IRAK1BP1: variants seen among roughly 807,000 people sequenced by gnomAD.
The protein encoded by IRAK1BP1 is interleukin 1 receptor associated kinase 1 binding protein 1, also known as interleukin-1 receptor-associated kinase 1-binding protein 1.
A neutral mutation model predicts 28.0 loss-of-function variants in IRAK1BP1; 24 were observed. That is an observed-to-expected ratio of 0.86 (90% CI 0.62 to 1.20). The LOEUF (loss-of-function observed/expected upper bound fraction) is 1.20, where lower values mean the gene tolerates loss of function less well. Ranked by LOEUF, IRAK1BP1 falls within the 50% of genes most tolerant of loss-of-function variation. The pLI, the probability that IRAK1BP1 is intolerant of heterozygous loss-of-function variation, is 0.00. For synonymous variants in IRAK1BP1, 131 were observed against 116.3 expected (o/e 1.13, Z -0.81); for missense variants, 336 against 316.7 (o/e 1.06, Z -0.46).
intron 4 of IRAK1BP1, among the ~76,000 whole-genome samples, chr6:78,931,954 TCAAA>T (rs1398401955): frequency 6.6e-6 from 1 of 152,238 alleles, no homozygotes; most frequent in Admixed American, 6.5e-5. Flanking sequence ...GTCAATCCTC[TCAAA>T]CAGCTTCTGC....
At chr6:78,875,638 A>G (rs1017253579) in intron 1 of IRAK1BP1, among the ~76,000 whole-genome samples, 5 of 152,184 alleles carry the variant, frequency 3.3e-5, no homozygotes, top group Non-Finnish European at 7.3e-5. Context: ...AGAAAACCAC[A>G]TATTCTCACT....
chr6:78,970,819 T>G, the IRAK1BP1 span: 1 of 1,611,512 alleles, frequency 6.2e-7, no homozygotes, highest in African/African-American at 1.3e-5. Context: ...TTTTTGGGAT[T>G]GATACTATAT....
At chr6:78,958,731 G>C in the IRAK1BP1 span, 1 of 644,380 alleles carries the variant, frequency 1.6e-6, no homozygotes, top group South Asian at 1.9e-5. Flanking sequence ...GTCTTATAAA[G>C]TCATTTTCAA....
At chr6:78,910,699 G>C (rs546035922) in intron 4 of IRAK1BP1, among the ~76,000 whole-genome samples, 2 of 152,254 alleles carry the variant, frequency 1.3e-5, no homozygotes, top group African/African-American at 2.4e-5. Flanking sequence ...TCCTCACCTC[G>C]GCGTGGGGCG....
the IRAK1BP1 span, among the ~76,000 whole-genome samples, chr6:78,977,932 T>C: frequency 6.6e-6 from 1 of 152,312 alleles, no homozygotes; most frequent in East Asian, 1.9e-4. Context: ...AAGAAGCCTC[T>C]ATTTTAATTC....
At chr6:78,945,498 C>CT (rs1381310383) in exon 5 of IRAK1BP1, 1 of 1,560,676 alleles carries the variant, frequency 6.4e-7, no homozygotes, top group African/African-American at 1.4e-5. Context: ...TTCTCTAGTA[C>CT]TAAAACATAC....
the IRAK1BP1 span, chr6:78,955,022 CT>C: frequency 2.4e-6 from 3 of 1,242,168 alleles, no homozygotes; most frequent in Non-Finnish European, 3.3e-6. Flanking sequence ...AAAATTTGTA[CT>C]TTTAATGTAG....
chr6:78,873,537 AT>A lies in IRAK1BP1; in HGVS notation c.315+5648del, dbSNP rs572486146. ...CTGTTGCCCAGTATGGAGTAGGGTG[AT>A]TACTATCATTGTTCACTGCAGCCTA... On this transcript the variant is annotated intron_variant, in intron 1 of 3. Coordinates refer to ENST00000369940, the MANE Select transcript of IRAK1BP1 (RefSeq NM_001010844.4). Among the ~76,000 whole-genome samples the A allele has an allele frequency of 6.5e-4, 98 of 151,666 alleles. 1 individual carries two copies. The South Asian group carries it at 8.1e-3, about 13-fold the overall frequency.
At chr6:78,923,994 T>C (rs1294217122) in intron 4 of IRAK1BP1, among the ~76,000 whole-genome samples, 1 of 151,760 alleles carries the variant, frequency 6.6e-6, no homozygotes, top group African/African-American at 2.4e-5. Flanking sequence ...CACCCTAACA[T>C]TACAATTAAA....
rs1405374358 is a variant in IRAK1BP1, at chr6:78,889,133, AAG to A, written c.381+3692_381+3693del. Among the ~76,000 whole-genome samples, 153 of 137,362 alleles carry A rather than the reference AAG, an allele frequency of 1.1e-3. 2 individuals carry two copies. Among genetic ancestry groups the A allele is most frequent in the South Asian group, 5.8e-3 (26 of 4,468 alleles). 90.1% of individuals were successfully genotyped at this position (137,362 alleles called of 152,430 possible). A position where few individuals can be genotyped will look rare whatever the true frequency, so the allele number is the denominator to read the frequency against. ...CTCTGTCTCAAAAAAAAAAAAAAAA[AAG>A]AAAGAAAGAAAGATTAGATGGTGGA... On this transcript the variant is annotated intron_variant, in intron 2 of 3. Transcript: ENST00000369940.
At chr6:78,972,754 G>A in the IRAK1BP1 span, among the ~76,000 whole-genome samples, 49,977 of 152,026 alleles carry the variant, frequency 0.33, 9,814 homozygotes, top group East Asian at 0.69. Flanking sequence ...GAGCCGATGC[G>A]ATGAACTGGA....
chr6:78,882,205 A>G (rs921411287), intron 1 of IRAK1BP1, among the ~76,000 whole-genome samples: 1 of 152,184 alleles, frequency 6.6e-6, no homozygotes, highest in Admixed American at 6.6e-5. Flanking sequence ...GCATAAGCCT[A>G]TAATATCTTG....
the IRAK1BP1 span, chr6:78,957,078 GGATTT>G: frequency 6.6e-6 from 1 of 151,926 alleles, no homozygotes; most frequent in Admixed American, 6.6e-5. Flanking sequence ...AAAATGCCAT[GGATTT>G]ATTTTTAGAA....
chr6:78,884,836 A>T (rs546833186), intron 1 of IRAK1BP1, among the ~76,000 whole-genome samples: 2 of 152,264 alleles, frequency 1.3e-5, no homozygotes, highest in African/African-American at 4.8e-5. Flanking sequence ...TTGCTCATAG[A>T]TATCACCCTA....
intron 1 of IRAK1BP1, among the ~76,000 whole-genome samples, chr6:78,874,564 C>T (rs966350458): frequency 5.3e-5 from 8 of 152,028 alleles, no homozygotes; most frequent in African/African-American, 1.9e-4. Flanking sequence ...GCAAGTTCTC[C>T]CCTCATTACT....
intron 4 of IRAK1BP1, chr6:78,939,857 C>T (rs1365064479): frequency 6.6e-6 from 1 of 152,416 alleles, no homozygotes; most frequent in African/African-American, 2.4e-5. Flanking sequence ...TATATCTCAG[C>T]ATAACTCTTT....
rs560348015 is a variant in IRAK1BP1 at position 78,894,561 on chromosome 6, ATACT to A, written c.382-3265_382-3262del. ...TTTATACATATAATAAAGCTTCAAAATACTTAAGGGAAAAATGATATAACTACAA... is the reference window on the plus strand; with the variant it reads ...TTTATACATATAATAAAGCTTCAAAATAAGGGAAAAATGATATAACTACAA... On this transcript the variant is annotated intron_variant, in intron 2 of 3. Coordinates refer to ENST00000369940, the MANE Select transcript of IRAK1BP1 (RefSeq NM_001010844.4). Among the ~76,000 whole-genome samples the A allele has an allele frequency of 2.0e-3, 309 of 152,314 alleles. 1 individual carries two copies. Among genetic ancestry groups the A allele is most frequent in the African/African-American group, 7.1e-3 (296 of 41,560 alleles).
Position 78,902,976 on chromosome 6 carries a change from G to C in IRAK1BP1, c.*4642G>C. ...CTCTTATAAACCTGTTTATCAGAAG[G>C]ATATTTCTGTTTCAGCAACTCCTGG... On this transcript the variant is annotated 3_prime_UTR_variant, in exon 4 of 4. Coordinates refer to ENST00000369940, the MANE Select transcript of IRAK1BP1 (RefSeq NM_001010844.4). 7.8e-7 allele frequency: 1 copy of C among 1,274,288 alleles called. No homozygotes were observed. The highest frequency in any genetic ancestry group is 1.3e-5 in the South Asian group (1 of 78,362). 78.9% of individuals were successfully genotyped at this position (1,274,288 alleles called of 1,614,324 possible).
At chr6:78,970,420 C>T in the IRAK1BP1 span, among the ~76,000 whole-genome samples, 1 of 152,016 alleles carries the variant, frequency 6.6e-6, no homozygotes, top group African/African-American at 2.4e-5. Context: ...AGTATAGTTA[C>T]TAAAGTAAGT....
Sources: gnomAD v4.1 joint callset for allele counts (sites outside exome capture counted in the v4.1 genomes callset) on GRCh38, gnomAD v4.1.1 for gene constraint, MANE v1.5 for transcripts, NCBI Gene and HGNC (gene_info 2026-07-23, HGNC 2026-07-21) for gene names.